HIVEP3: variants seen among roughly 807,000 people sequenced by gnomAD.
HIVEP3 encodes transcription factor HIVEP3.
A neutral mutation model predicts 152.8 loss-of-function variants in HIVEP3; 49 were observed. That is an observed-to-expected ratio of 0.32 (90% CI 0.26 to 0.41). The LOEUF is 0.41. HIVEP3 is among the 10% of genes least tolerant of loss of function. HIVEP3 has a pLI of 1.00. For missense variants in HIVEP3, 2,790 were observed against 3,103.3 expected (o/e 0.90, Z 2.40); for synonymous variants, 1,269 against 1,289.0 (o/e 0.98, Z 0.33).
intron 1 of HIVEP3, among the ~76,000 whole-genome samples, chr1:41,870,164 C>T (rs537186187): frequency 9.2e-5 from 14 of 152,182 alleles, no homozygotes; most frequent in East Asian, 3.9e-4. Context: ...GCAGGGGTGA[C>T]GGTCCCTCCC....
At chr1:41,636,959 C>CAAAAA (rs56258158) in intron 2 of HIVEP3, among the ~76,000 whole-genome samples, 33 of 127,064 alleles carry the variant, frequency 2.6e-4, no homozygotes, top group East Asian at 1.4e-3. Flanking sequence ...AACTCCATCT[C>CAAAAA]AAAAAAAAAA....
chr1:41,526,589 T>TCA (rs796758548), intron 5 of HIVEP3, among the ~76,000 whole-genome samples: 4 of 5,848 alleles, frequency 6.8e-4, no homozygotes, highest in Admixed American at 2.1e-3. Flanking sequence ...ACCCCCACAC[T>TCA]CACACCCTTA....
chr1:41,721,735 G>A (rs1256799955), intron 1 of HIVEP3, among the ~76,000 whole-genome samples: 1 of 152,210 alleles, frequency 6.6e-6, no homozygotes. Flanking sequence ...GAGGCATAGA[G>A]GGGTTGAGTC....
chr1:41,606,425 T>G (rs946587692), intron 3 of HIVEP3, among the ~76,000 whole-genome samples: 18 of 151,954 alleles, frequency 1.2e-4, no homozygotes, highest in African/African-American at 4.4e-4. Flanking sequence ...GACAGTATAA[T>G]TAAGTCTACT....
At chr1:41,801,306 G>T (rs349453) in intron 1 of HIVEP3, among the ~76,000 whole-genome samples, 2,478 of 152,096 alleles carry the variant, frequency 0.016, 55 homozygotes, top group African/African-American at 0.057. Context: ...CCTTCAATCT[G>T]GTCTCCCTTC....
In HIVEP3 at chr1:41,581,515, G is replaced by A. The variant is rs1308307614; in HGVS notation, c.3283C>T (p.His1095Tyr). Residue 1095 changes from histidine (H) to tyrosine (Y), a missense_variant, in exon 4 of 9, where the codon CAT becomes TAT. Physicochemically the swap from His to Tyr is moderately conservative, Grantham distance 83. Transcript: ENST00000372583. The surrounding 1 kb of genome is among the most constrained non-coding windows in gnomAD (Gnocchi z 4.5). ...LSQISSAATSHGGPPGGKGPG... is the reference protein window; with the variant it reads ...LSQISSAATSYGGPPGGKGPG... ...CCCTTGCCTCCCGGGGGTCCACCAT[G>A]TGAGGTGGCCGCAGAGGAAATCTGG... The A allele has an allele frequency of 6.3e-7, 1 of 1,585,912 alleles. No individual in the cohort carries two copies. Among genetic ancestry groups the A allele is most frequent in the Admixed American group, 1.7e-5 (1 of 57,294 alleles).
intron 1 of HIVEP3, among the ~76,000 whole-genome samples, chr1:41,844,885 T>C (rs140072417): frequency 2.6e-5 from 4 of 152,318 alleles, no homozygotes; most frequent in Non-Finnish European, 5.9e-5. Context: ...TGACCTGGGC[T>C]TCTTTGGGTC....
intron 1 of HIVEP3, among the ~76,000 whole-genome samples, chr1:41,945,537 G>A (rs113000368): frequency 2.0e-5 from 3 of 152,288 alleles, no homozygotes; most frequent in African/African-American, 7.2e-5. Flanking sequence ...ACTGCAGGCC[G>A]AGAGTTTGGT....
chr1:41,964,967 AC>A (rs1328198463), intron 1 of HIVEP3, among the ~76,000 whole-genome samples: 2 of 151,748 alleles, frequency 1.3e-5, no homozygotes, highest in Non-Finnish European at 2.9e-5. Flanking sequence ...GGTGAGACCC[AC>A]CCCCCTCAAC....
intron 1 of HIVEP3, among the ~76,000 whole-genome samples, chr1:41,994,300 A>G (rs993425758): frequency 6.6e-6 from 1 of 152,026 alleles, no homozygotes; most frequent in African/African-American, 2.4e-5. Flanking sequence ...AGCCTAGGAA[A>G]CAATGTATTA....
rs76733841 is a variant in HIVEP3 at position 41,728,948 on chromosome 1, G to T, written c.-800-27953C>A. ...GTGCTGAGGGCCTCATTTGCATAGG[G>T]AGAGCAGCTGCTGTCCCAGCCACAC... On this transcript the variant is annotated intron_variant, in intron 1 of 8. Transcript: ENST00000372583. Among the ~76,000 whole-genome samples, 268 of 152,296 alleles carry T rather than the reference G, an allele frequency of 1.8e-3. 5 individuals carry two copies. In the East Asian group the frequency reaches 0.047, roughly 27 times the overall value.
At chr1:41,538,232 AG>A (rs899331820) in intron 5 of HIVEP3, among the ~76,000 whole-genome samples, 5 of 152,034 alleles carry the variant, frequency 3.3e-5, no homozygotes, top group African/African-American at 1.2e-4. Flanking sequence ...TGCAGTGTGG[AG>A]GATGGTGTGG....
chr1:41,592,603 T>G (rs1299085600), intron 3 of HIVEP3, among the ~76,000 whole-genome samples: 2 of 152,086 alleles, frequency 1.3e-5, no homozygotes, highest in Non-Finnish European at 2.9e-5. Flanking sequence ...GACTGAGAGG[T>G]GGACTGGCAA....
chr1:41,998,887 C>CTTTTTTTTTTT lies in HIVEP3; in HGVS notation n.119+36919_119+36920insAAAAAAAAAAA, dbSNP rs1184823372. 5.4e-4 allele frequency among the ~76,000 whole-genome samples: 42 copies of CTTTTTTTTTTT among 77,306 alleles called. 3 individuals are homozygous for CTTTTTTTTTTT. Among genetic ancestry groups the CTTTTTTTTTTT allele is most frequent in the Admixed American group, 7.7e-4 (5 of 6,534 alleles). The allele number at this position is 77,306 out of a possible 152,430, so 50.7% of individuals were successfully genotyped here. On this transcript the variant is annotated intron_variant and non_coding_transcript_variant, in intron 1 of 3. Transcript: ENST00000489103. ...GCTGGTTTTTAATACTTTTCTCTCT[C>CTTTTTTTTTTT]TCTTTTTTTTTTTTTTTTTTTTTTT...
intron 1 of HIVEP3, among the ~76,000 whole-genome samples, chr1:41,705,958 A>G (rs770191910): frequency 1.8e-4 from 28 of 152,206 alleles, no homozygotes; most frequent in Non-Finnish European, 4.0e-4. Flanking sequence ...TACAAATCCA[A>G]CTGGTAGCCT....
chr1:41,550,910 A>G (rs1643887138), intron 5 of HIVEP3, among the ~76,000 whole-genome samples: 1 of 152,190 alleles, frequency 6.6e-6, no homozygotes, highest in South Asian at 2.1e-4. Context: ...TTCCAACACT[A>G]TGTTGAATAG....
chr1:41,948,631 C>A (rs115875950), intron 1 of HIVEP3, among the ~76,000 whole-genome samples: 2,147 of 152,224 alleles, frequency 0.014, 47 homozygotes, highest in African/African-American at 0.049. Context: ...AGTCCCAGTA[C>A]TCAGAAGAAG....
chr1:41,677,856 A>G (rs1185465196), intron 2 of HIVEP3, among the ~76,000 whole-genome samples: 1 of 152,206 alleles, frequency 6.6e-6, no homozygotes, highest in African/African-American at 2.4e-5. Context: ...GGGCCTGTTA[A>G]TAGTTTCCAG....
At chr1:41,640,388 T>C (rs1645354535) in intron 2 of HIVEP3, among the ~76,000 whole-genome samples, 1 of 152,110 alleles carries the variant, frequency 6.6e-6, no homozygotes, top group African/African-American at 2.4e-5. Flanking sequence ...CTAGGCACTC[T>C]ACACAGGGGA....
Sources: gnomAD v4.1 joint callset for allele counts (sites outside exome capture counted in the v4.1 genomes callset) on GRCh38, gnomAD v4.1.1 for gene constraint, Gnocchi (gnomAD v3.1) non-coding constraint, MANE v1.5 for transcripts, NCBI Gene and HGNC (gene_info 2026-07-23, HGNC 2026-07-21) for gene names.